The following ADAMTS9 variants were observed in gnomAD, a reference collection of about 807,000 sequenced individuals.
ADAMTS9 encodes A disintegrin and metalloproteinase with thrombospondin motifs 9.
A neutral mutation model predicts 257.1 loss-of-function variants in ADAMTS9; 107 were observed. That is an observed-to-expected ratio of 0.42 (90% CI 0.36 to 0.49). ADAMTS9 has a LOEUF of 0.49. Ranked by LOEUF, ADAMTS9 falls within the 20% of genes least tolerant of loss-of-function variation. The pLI is 0.03. For missense variants in ADAMTS9, 2,353 were observed against 2,469.1 expected (o/e 0.95, Z 1.00); for synonymous variants, 982 against 880.9 (o/e 1.11, Z -2.03).
rs1266772311 is a variant in ADAMTS9, at chr3:64,672,816, T to C, written c.679+8385A>G. Among the ~76,000 whole-genome samples the C allele has an allele frequency of 2.0e-5, 3 of 152,222 alleles. No homozygotes were observed. In the South Asian group the frequency reaches 6.2e-4, roughly 32 times the overall value. On this transcript the variant is annotated intron_variant, in intron 3 of 39. Transcript: ENST00000498707. ...GCCCTTCTGGGCTTCAAAACACAGG[T>C]GAGGGAGATCCTTTAAGGATAGAAA...
At chr3:64,552,929 T>C (rs1313991079) in intron 30 of ADAMTS9, among the ~76,000 whole-genome samples, 1 of 152,158 alleles carries the variant, frequency 6.6e-6, no homozygotes, top group Non-Finnish European at 1.5e-5. Context: ...CTCTTTTTCA[T>C]CTAATGGGCA....
At chr3:64,578,783 C>G (rs1194228124) in intron 28 of ADAMTS9, among the ~76,000 whole-genome samples, 1 of 152,154 alleles carries the variant, frequency 6.6e-6, no homozygotes, top group Non-Finnish European at 1.5e-5. Context: ...ATTGTGACCC[C>G]TTTCTGACTC....
intron 38 of ADAMTS9, among the ~76,000 whole-genome samples, chr3:64,531,280 G>A (rs2082977714): frequency 6.6e-6 from 1 of 152,170 alleles, no homozygotes; most frequent in East Asian, 1.9e-4. Flanking sequence ...GGCAGGTTGA[G>A]CTGCTTTTTT....
chr3:64,655,735 C>A, intron 5 of ADAMTS9, 44 bp from the exon 6 acceptor site: 2 of 1,586,210 alleles, frequency 1.3e-6, no homozygotes, highest in South Asian at 2.2e-5. Flanking sequence ...GTACCGATCC[C>A]AATTAGATAT....
chr3:64,615,922 A>G (rs778789840), intron 20 of ADAMTS9, 38 bp downstream of exon 20: 2 of 1,609,900 alleles, frequency 1.2e-6, no homozygotes, highest in Non-Finnish European at 1.7e-6. Context: ...CTAATCAGAC[A>G]GCATCCAAGA....
intron 22 of ADAMTS9, among the ~76,000 whole-genome samples, chr3:64,607,418 A>G (rs902547033): frequency 3.3e-5 from 5 of 152,176 alleles, no homozygotes; most frequent in Admixed American, 6.6e-5. Flanking sequence ...TAGGTACTTA[A>G]TAGAGCTCTG....
At chr3:64,660,434 C>T (rs1701194713) in intron 3 of ADAMTS9, among the ~76,000 whole-genome samples, 3 of 152,150 alleles carry the variant, frequency 2.0e-5, no homozygotes, top group East Asian at 3.9e-4. Context: ...GTTTCGGTTC[C>T]CTTGGTTTCA....
chr3:64,561,806 G>T, intron 29 of ADAMTS9, 55 bp from the exon 30 acceptor site: 4 of 940,742 alleles, frequency 4.3e-6, no homozygotes, highest in South Asian at 1.4e-5. Flanking sequence ...TTTTGGGGGG[G>T]CGGGGGGTGT....
intron 2 of ADAMTS9, among the ~76,000 whole-genome samples, chr3:64,681,906 A>C (rs1701767590): frequency 6.6e-6 from 1 of 152,198 alleles, no homozygotes; most frequent in African/African-American, 2.4e-5. Context: ...CAGGCTGTCG[A>C]AAGAGTCTTG....
In ADAMTS9 at chr3:64,647,200, AT is replaced by A. The variant is rs928968295; in HGVS notation, c.1710+739del. ...AGATAGAATGCCAATTTCCATGTGT[AT>A]TTTTTTTTTAAATCAAGATTTATAT... On this transcript the variant is annotated intron_variant, in intron 11 of 39. Coordinates refer to ENST00000498707, the MANE Select transcript of ADAMTS9 (RefSeq NM_182920.2). Among the ~76,000 whole-genome samples the A allele has an allele frequency of 6.7e-4, 100 of 150,052 alleles. 1 individual carries two copies. Among genetic ancestry groups the A allele is most frequent in the Admixed American group, 2.6e-3 (39 of 15,018 alleles).
chr3:64,520,093 A>C (rs895171276), intron 39 of ADAMTS9, among the ~76,000 whole-genome samples: 1 of 152,226 alleles, frequency 6.6e-6, no homozygotes, highest in African/African-American at 2.4e-5. Flanking sequence ...GACTTCAGTA[A>C]ATTTTCAGGG....
intron 22 of ADAMTS9, among the ~76,000 whole-genome samples, chr3:64,612,137 G>C (rs562943166): frequency 6.6e-6 from 1 of 151,980 alleles, no homozygotes; most frequent in African/African-American, 2.4e-5. Context: ...TTTCTCTTAT[G>C]AATATTTACG....
chr3:64,642,971 C>T (rs1044978729), intron 11 of ADAMTS9, among the ~76,000 whole-genome samples: 3 of 152,170 alleles, frequency 2.0e-5, no homozygotes, highest in Non-Finnish European at 2.9e-5. Flanking sequence ...CACCCCCACA[C>T]AAGGCTTGGT....
At chr3:64,667,936 C>T (rs184209921) in intron 3 of ADAMTS9, among the ~76,000 whole-genome samples, 22 of 152,310 alleles carry the variant, frequency 1.4e-4, no homozygotes, top group Admixed American at 3.3e-4. Flanking sequence ...TAGTATAAGA[C>T]GCTGAACATC....
chr3:64,609,807 G>C lies in ADAMTS9; in HGVS notation c.3355-2728C>G, dbSNP rs1383421445. On this transcript the variant is annotated intron_variant, in intron 22 of 39. Transcript: ENST00000498707. Reference sequence around the variant, plus strand: ...CTCAAATTCATATGGAATGACAAGAGACCCCAAATAGCCAAAATGATATTG... The same window carrying C: ...CTCAAATTCATATGGAATGACAAGACACCCCAAATAGCCAAAATGATATTG... 2.0e-5 allele frequency among the ~76,000 whole-genome samples: 3 copies of C among 152,100 alleles called. No homozygotes were observed. The South Asian group carries it at 6.2e-4, about 32-fold the overall frequency.
Position 64,572,952 on chromosome 3 carries a change from C to G in ADAMTS9, c.4357-4417G>C, listed in dbSNP as rs146969654. Among the ~76,000 whole-genome samples the G allele has an allele frequency of 3.6e-3, 548 of 152,006 alleles. 1 individual carries two copies. The highest frequency in any genetic ancestry group is 5.8e-3 in the Non-Finnish European group (393 of 67,950). ...AATTAGCTGGGCATGGTGGCATGCA[C>G]CTGTAGTTCCAGCTACTCAGGAGGC... On this transcript the variant is annotated intron_variant, in intron 28 of 39. Transcript: ENST00000498707.
chr3:64,654,777 G>A (rs1701021389), intron 6 of ADAMTS9, 165 bp from the exon 7 acceptor site: 1 of 671,650 alleles, frequency 1.5e-6, no homozygotes, highest in Non-Finnish European at 2.5e-6. Context: ...AAAATTTTTG[G>A]AATTGTTGAT....
At chr3:64,588,919 A>G (rs1183710907) in intron 28 of ADAMTS9, 1 of 152,194 alleles carries the variant, frequency 6.6e-6, no homozygotes, top group African/African-American at 2.4e-5. Flanking sequence ...AACTTTGTAA[A>G]TTCGTATGTC....
At chr3:64,536,939 A>T (rs2083058251) in intron 37 of ADAMTS9, among the ~76,000 whole-genome samples, 1 of 152,210 alleles carries the variant, frequency 6.6e-6, no homozygotes, top group Non-Finnish European at 1.5e-5. Context: ...AAATTCTCAA[A>T]CACAACATCA....
Sources: gnomAD v4.1 joint callset for allele counts (sites outside exome capture counted in the v4.1 genomes callset) on GRCh38, gnomAD v4.1.1 for gene constraint, MANE v1.5 for transcripts, NCBI Gene and HGNC (gene_info 2026-07-23, HGNC 2026-07-21) for gene names.